TRPM6: variants seen among roughly 807,000 people sequenced by gnomAD.
The protein encoded by TRPM6 is channel kinase 2.
Under a neutral mutation model 247.6 loss-of-function variants are expected in TRPM6, and 111 were observed. The ratio of observed to expected loss-of-function variants is 0.45; its 90% confidence interval spans 0.38 to 0.52. The LOEUF is 0.52. Among genes scored for constraint, TRPM6 ranks in the 20% least tolerant of loss-of-function variants. The pLI is 0.00. For missense variants in TRPM6, 2,126 were observed against 2,421.5 expected, an observed-to-expected ratio of 0.88 and a Z score of 2.56; for synonymous variants, 892 against 853.8, an observed-to-expected ratio of 1.04 and a Z score of -0.78.
In TRPM6 at chr9:74,785,620, T is replaced by G. The variant is rs558626093; in HGVS notation, c.2919+254A>C. Among the ~76,000 whole-genome samples, 23 of 152,270 alleles carry G rather than the reference T, an allele frequency of 1.5e-4. No individual in the cohort carries two copies. The South Asian group carries it at 4.6e-3, about 30-fold the overall frequency. ...TCACTGCAAGCTCCGCCTCCCGGGT[T>G]CGTGCTATTCTCCCGCCTCAGCCTC... is the stretch of plus-strand genomic sequence containing the variant. On this transcript the variant is annotated intron_variant, in intron 21 of 38. Transcript: ENST00000360774.
At chr9:74,810,692 A>T (rs1219228649) in intron 13 of TRPM6, 123 bp downstream of exon 13, 1 of 835,120 alleles carries the variant, frequency 1.2e-6, no homozygotes. Context: ...ATCAAGGTAA[A>T]GAAGATAGGT....
chr9:74,855,626 C>T (rs1196092532), intron 2 of TRPM6, 61 bp from the exon 3 acceptor site: 12 of 1,024,814 alleles, frequency 1.2e-5, no homozygotes, highest in Non-Finnish European at 1.7e-5. Flanking sequence ...ACATTTAATG[C>T]TTGTACAGTA....
chr9:74,842,357 C>T lies in TRPM6; in HGVS notation c.153-14G>A. The T allele has an allele frequency of 5.0e-6, 8 of 1,613,648 alleles. No homozygotes were observed. The highest frequency in any genetic ancestry group is 5.9e-6 in the Non-Finnish European group (7 of 1,179,834). On this transcript the variant is annotated splice_polypyrimidine_tract_variant and intron_variant, in intron 3 of 38. Coordinates refer to ENST00000360774, the MANE Select transcript of TRPM6 (RefSeq NM_017662.5). ...CCACAGTAACACCTTAAATTCAAGA[C>T]CAAAAAAAAACTCAACTTCAAAATA...
In TRPM6 at chr9:74,776,074, T is replaced by C; in HGVS notation, c.3212A>G (p.Asn1071Ser). ...MVNLLIAFFN[N>S]VYLDMESISN... Reference sequence around the variant, plus strand: ...AATGGATTCCATATCTAAGTAAACGTTGCTGTAAGATGAAGTAAGAGAGGG... The same window carrying C: ...AATGGATTCCATATCTAAGTAAACGCTGCTGTAAGATGAAGTAAGAGAGGG... Residue 1071 changes from asparagine (N) to serine (S), a missense_variant and splice_region_variant, in exon 24 of 39, where the codon AAC (asparagine) becomes AGC (serine). Asn to Ser is a conservative substitution (Grantham distance 46, BLOSUM62 1). Around this residue, in one of 3 missense-constraint regions of TRPM6, gnomAD observed 1,082 missense variants for 1,307.9 expected, o/e 0.83. Coordinates refer to ENST00000360774, the MANE Select transcript of TRPM6 (RefSeq NM_017662.5). The C allele has an allele frequency of 6.2e-7, 1 of 1,613,262 alleles. No individual in the cohort carries two copies. Among genetic ancestry groups the C allele is most frequent in the Non-Finnish European group, 8.5e-7 (1 of 1,179,302 alleles).
chr9:74,820,793 G>A (rs1829108924), intron 8 of TRPM6, among the ~76,000 whole-genome samples: 1 of 152,150 alleles, frequency 6.6e-6, no homozygotes, highest in Admixed American at 6.6e-5. Flanking sequence ...GCCACATCCT[G>A]AAAAGAATAT....
intron 1 of TRPM6, among the ~76,000 whole-genome samples, chr9:74,880,066 C>A (rs144127901): frequency 1.4e-4 from 22 of 152,178 alleles, no homozygotes; most frequent in African/African-American, 5.3e-4. Context: ...AAAACTCCCA[C>A]ACACATATTT....
chr9:74,827,644 G>C lies in TRPM6; in HGVS notation c.841+134C>G, dbSNP rs556985955. ...GGAGGGGAGATGCCCATGTGGGAAG[G>C]GGGGTGGCTGAAGAGTATTAAGGAG... On this transcript the variant is annotated intron_variant, in intron 7 of 38. Coordinates refer to ENST00000360774, the MANE Select transcript of TRPM6 (RefSeq NM_017662.5). 69 of 872,482 alleles carry C rather than the reference G, an allele frequency of 7.9e-5. 1 individual carries two copies. The East Asian group carries it at 8.4e-4, about 11-fold the overall frequency. The allele number at this position is 872,482 out of a possible 1,614,324, so 54.0% of individuals were successfully genotyped here.
At position 74,858,699 on chromosome 9, in the gene TRPM6, G is replaced by A. The variant is rs1564053970; in HGVS notation, c.83C>T (p.Thr28Ile). The A allele has an allele frequency of 6.2e-7, 1 of 1,613,528 alleles. No individual in the cohort carries two copies. The highest frequency in any genetic ancestry group is 2.2e-5 in the East Asian group (1 of 44,782). Residue 28 changes from threonine to isoleucine, a missense_variant, in exon 2 of 39, where the codon ACA (threonine) becomes ATA (isoleucine). Physicochemically the swap from Thr to Ile is moderately conservative, Grantham distance 89. Transcript: ENST00000360774. ...KGVFDKRECS[T>I]IIPSSKNPHR... ...AGGATTTTTTGAGCTGGGTATGATT[G>A]TGCTACATTCTCTCTTGTCAAATAC...
intron 31 of TRPM6, among the ~76,000 whole-genome samples, chr9:74,747,099 T>C (rs899410996): frequency 9.2e-5 from 14 of 152,036 alleles, no homozygotes; most frequent in African/African-American, 3.1e-4. Flanking sequence ...AAGAGTCAAG[T>C]GAGTTAGCAG....
At chr9:74,744,541 G>A (rs1007820495) in intron 31 of TRPM6, among the ~76,000 whole-genome samples, 4 of 152,080 alleles carry the variant, frequency 2.6e-5, no homozygotes, top group Non-Finnish European at 5.9e-5. Flanking sequence ...TTAATACCAA[G>A]TTATTAACAG....
chr9:74,735,951 G>A (rs1825681454), intron 36 of TRPM6, among the ~76,000 whole-genome samples: 2 of 152,162 alleles, frequency 1.3e-5, no homozygotes, highest in African/African-American at 4.8e-5. Flanking sequence ...CAAAGCGGTA[G>A]GGAACCACAG....
intron 32 of TRPM6, 74 bp from the exon 33 acceptor site, chr9:74,742,700 A>T: frequency 8.4e-6 from 10 of 1,193,154 alleles, no homozygotes; most frequent in Non-Finnish European, 1.2e-5. Context: ...CTCCACATCA[A>T]TATATTCATA....
chr9:74,848,865 A>G (rs1564047315), intron 3 of TRPM6, among the ~76,000 whole-genome samples: 1 of 152,218 alleles, frequency 6.6e-6, no homozygotes. Context: ...GAGAAGAAAA[A>G]AACGTAAAGA....
rs561199604 is a variant in TRPM6, at chr9:74,725,691, G to A, written c.5936-945C>T. Reference sequence around the variant, plus strand: ...TTGCCTGCTGCCATCCAGGTAAGACGTGACTTGCTCCTCCTTGCCTTCTGC... The same window carrying A: ...TTGCCTGCTGCCATCCAGGTAAGACATGACTTGCTCCTCCTTGCCTTCTGC... On this transcript the variant is annotated intron_variant, in intron 38 of 38. Transcript: ENST00000360774. 1.8e-3 allele frequency among the ~76,000 whole-genome samples: 271 copies of A among 152,268 alleles called. 1 individual carries two copies. The highest frequency in any genetic ancestry group is 3.4e-3 in the Middle Eastern group (1 of 294).
chr9:74,835,713 C>A (rs1447072745), intron 5 of TRPM6, among the ~76,000 whole-genome samples: 1 of 152,004 alleles, frequency 6.6e-6, no homozygotes, highest in Non-Finnish European at 1.5e-5. Context: ...GTTTGTAGAG[C>A]TTTGGACAAT....
chr9:74,727,008 T>C (rs1825352190), intron 38 of TRPM6, among the ~76,000 whole-genome samples: 1 of 152,104 alleles, frequency 6.6e-6, no homozygotes, highest in Admixed American at 6.5e-5. Flanking sequence ...ACTGCTGCAT[T>C]TTGATCTCCC....
chr9:74,751,664 A>G (rs1003925434), intron 29 of TRPM6, among the ~76,000 whole-genome samples: 12 of 152,226 alleles, frequency 7.9e-5, no homozygotes, highest in African/African-American at 2.7e-4. Context: ...AGACAGCAAG[A>G]AAAACAGACT....
intron 35 of TRPM6, 104 bp from the exon 36 acceptor site, chr9:74,738,716 T>G (rs1216625816): frequency 3.1e-6 from 3 of 971,758 alleles, no homozygotes; most frequent in Non-Finnish European, 4.9e-6. Flanking sequence ...TCTGGTATGA[T>G]GCAGCCTCAA....
intron 5 of TRPM6, among the ~76,000 whole-genome samples, chr9:74,837,285 C>T (rs1256153121): frequency 1.3e-5 from 2 of 152,146 alleles, no homozygotes; most frequent in South Asian, 2.1e-4. Context: ...TGTTAAAATG[C>T]AGGTTCTGAT....
Sources: allele counts gnomAD v4.1 joint callset (sites outside exome capture counted in the v4.1 genomes callset), GRCh38; gene constraint gnomAD v4.1.1; regional missense constraint gnomAD v4.1.1; transcripts MANE v1.5; gene names NCBI Gene and HGNC (gene_info 2026-07-23, HGNC 2026-07-21).